Variants in SPCS3 observed in about 807,000 individuals in gnomAD.
SPCS3 encodes SPase 22 kDa subunit.
In SPCS3, 9 loss-of-function variants were observed where a neutral mutation model predicts 17.2. That is an observed-to-expected ratio of 0.52 (90% CI 0.31 to 0.91). SPCS3 has a LOEUF of 0.91. Among genes scored for constraint, SPCS3 ranks in the 40% least tolerant of loss-of-function variants. The probability of loss-of-function intolerance (pLI) is 0.04; values close to 1 mark genes in which losing one functional copy is unlikely to be tolerated. For synonymous variants in SPCS3, 87 were observed against 89.6 expected (o/e 0.97, Z 0.16); for missense variants, 139 against 217.5 (o/e 0.64, Z 2.27).
rs1731512452 is a variant in SPCS3 at position 176,320,018 on chromosome 4, C to T, written c.-59C>T. The T allele has an allele frequency of 4.2e-6, 6 of 1,436,552 alleles. No homozygotes were observed. The South Asian group carries it at 8.6e-5, about 21-fold the overall frequency. 89.0% of individuals were successfully genotyped at this position (1,436,552 alleles called of 1,614,324 possible). A position where few individuals can be genotyped will look rare whatever the true frequency, so the allele number is the denominator to read the frequency against. On this transcript the variant is annotated 5_prime_UTR_variant, in exon 1 of 5. Coordinates refer to ENST00000503362, the MANE Select transcript of SPCS3 (RefSeq NM_021928.4). ...GCGCGGATCGCAGGGAGCCGGTCCG[C>T]CGCCGGAACGGGAGCCTGGGTGTGC...
intron 3 of SPCS3, among the ~76,000 whole-genome samples, chr4:176,325,275 A>G (rs532880892): frequency 6.6e-6 from 1 of 152,072 alleles, no homozygotes; most frequent in South Asian, 2.1e-4. Flanking sequence ...GCTGGTCTCG[A>G]ACTCCTAACC....
At chr4:176,321,022 T>G (rs1442230520) in intron 1 of SPCS3, 1 of 152,242 alleles carries the variant, frequency 6.6e-6, no homozygotes. Context: ...ACTTTTGTCT[T>G]TAATCGTCGT....
At chr4:176,321,028 G>A (rs1156247947) in intron 1 of SPCS3, 1 of 151,940 alleles carries the variant, frequency 6.6e-6, no homozygotes, top group Non-Finnish European at 1.5e-5. Flanking sequence ...GTCTTTAATC[G>A]TCGTATTTTT....
intron 1 of SPCS3, 86 bp from the exon 2 acceptor site, chr4:176,322,084 A>C: frequency 2.5e-6 from 2 of 815,426 alleles, no homozygotes; most frequent in Non-Finnish European, 4.0e-6. Flanking sequence ...ACCTATGCAC[A>C]CACCTGTATT....
intron 3 of SPCS3, among the ~76,000 whole-genome samples, chr4:176,326,485 T>C (rs924894460): frequency 6.6e-6 from 1 of 152,218 alleles, no homozygotes; most frequent in Admixed American, 6.5e-5. Context: ...TAAATGGAAC[T>C]TATTTGTAAT....
chr4:176,325,254 A>T (rs925192476), intron 3 of SPCS3, among the ~76,000 whole-genome samples: 1 of 151,836 alleles, frequency 6.6e-6, no homozygotes, highest in African/African-American at 2.4e-5. Flanking sequence ...CGGTTTCACC[A>T]TGTTGGCTAG....
At chr4:176,321,675 T>A (rs1212297446) in intron 1 of SPCS3, 1 of 152,618 alleles carries the variant, frequency 6.6e-6, no homozygotes, top group South Asian at 2.1e-4. Flanking sequence ...ATAAAAGTTA[T>A]GTGAATATGA....
At chr4:176,320,445 T>G in intron 1 of SPCS3, 1 of 290,226 alleles carries the variant, frequency 3.4e-6, no homozygotes, top group Non-Finnish European at 6.2e-6. Flanking sequence ...TTCCCGGGCT[T>G]GCTCTTAAAT....
Position 176,332,230 on chromosome 4 carries a change from A to G in SPCS3, c.*3900A>G, listed in dbSNP as rs1264431020. On this transcript the variant is annotated 3_prime_UTR_variant, in exon 5 of 5. Transcript: ENST00000503362. ...TGCACATAATAGGCGCCCAATAAAT[A>G]TTGATGAAGAATGAAGGCGTTGTGT... The G allele has an allele frequency of 1.3e-5, 2 of 152,158 alleles. No individual in the cohort carries two copies. The highest frequency in any genetic ancestry group is 2.9e-5 in the Non-Finnish European group (2 of 68,042). The allele number at this position is 152,158 out of a possible 1,614,324, so 9.4% of individuals were successfully genotyped here. A position where few individuals can be genotyped will look rare whatever the true frequency, so the allele number is the denominator to read the frequency against.
At chr4:176,323,428 T>TA (rs1222229345) in intron 2 of SPCS3, among the ~76,000 whole-genome samples, 1 of 152,196 alleles carries the variant, frequency 6.6e-6, no homozygotes, top group East Asian at 1.9e-4. Flanking sequence ...GTCCTAGACT[T>TA]AGTTCTAAAG....
chr4:176,320,361 G>A (rs749144298), intron 1 of SPCS3, 142 bp downstream of exon 1: 79 of 748,848 alleles, frequency 1.1e-4, no homozygotes, highest in Non-Finnish European at 1.4e-4. Context: ...GTTCGCCCCC[G>A]AGGGCGGTCG....
At chr4:176,326,467 T>C (rs1731608917) in intron 3 of SPCS3, among the ~76,000 whole-genome samples, 1 of 152,224 alleles carries the variant, frequency 6.6e-6, no homozygotes, top group Non-Finnish European at 1.5e-5. Flanking sequence ...TTCATACTTT[T>C]AATTTTCTAA....
At chr4:176,328,159 G>A (rs372239506) in intron 4 of SPCS3, 39 bp from the exon 5 acceptor site, 7 of 1,599,280 alleles carry the variant, frequency 4.4e-6, no homozygotes, top group Non-Finnish European at 6.0e-6. Context: ...TGAACTACTA[G>A]TGTCTCTGAT....
In SPCS3 at chr4:176,325,245, G is replaced by A. The variant is rs546444981; in HGVS notation, c.294+988G>A. 1.5e-4 allele frequency among the ~76,000 whole-genome samples: 23 copies of A among 151,576 alleles called. 2 individuals are homozygous for A. The South Asian group carries it at 4.4e-3, about 29-fold the overall frequency. ...TAATTTTTGTATTTTTAGTAGAGAC[G>A]GTTTCACCATGTTGGCTAGGCTGGT... On this transcript the variant is annotated intron_variant, in intron 3 of 4. Coordinates refer to ENST00000503362, the MANE Select transcript of SPCS3 (RefSeq NM_021928.4).
At chr4:176,322,372 C>T in intron 2 of SPCS3, 129 bp downstream of exon 2, 1 of 593,294 alleles carries the variant, frequency 1.7e-6, no homozygotes. Context: ...CCGCCTTTTT[C>T]ATCAGTAAAA....
At chr4:176,326,024 G>T (rs1443311410) in intron 3 of SPCS3, among the ~76,000 whole-genome samples, 1 of 152,088 alleles carries the variant, frequency 6.6e-6, no homozygotes, top group Non-Finnish European at 1.5e-5. Context: ...TTCAGGCCGG[G>T]CACAGTGGCT....
Position 176,322,209 on chromosome 4 carries a change from T to C in SPCS3, c.183T>C (p.Ser61=), listed in dbSNP as rs1731547717. 1.2e-6 allele frequency: 2 copies of C among 1,607,900 alleles called. No homozygotes were observed. The highest frequency in any genetic ancestry group is 2.7e-5 in the African/African-American group (2 of 74,736). Residue 61 remains serine (S), a synonymous_variant, in exon 2 of 5, where the codon AGT becomes AGC. Transcript: ENST00000503362. ...ATTTCACTGGACCTAGAGAAAGAAG[T>C]GATCTGGGATTTATCACATTTGATA... The part of the protein sequence containing the change: ...VEDFTGPRER[S]DLGFITFDIT...
Position 176,328,390 on chromosome 4 carries a change from C to A in SPCS3, c.*60C>A. 1 of 1,271,244 alleles carries A rather than the reference C, an allele frequency of 7.9e-7. No homozygotes were observed. The highest frequency in any genetic ancestry group is 1.0e-6 in the Non-Finnish European group (1 of 968,082). The allele number at this position is 1,271,244 out of a possible 1,614,324, so 78.7% of individuals were successfully genotyped here. On this transcript the variant is annotated 3_prime_UTR_variant, in exon 5 of 5. Coordinates refer to ENST00000503362, the MANE Select transcript of SPCS3 (RefSeq NM_021928.4). Reference sequence around the variant, plus strand: ...TTAATGAATTGTATCTCATTAATCTCTTCCCTTACATCTTCATGTATTGTT... The same window carrying A: ...TTAATGAATTGTATCTCATTAATCTATTCCCTTACATCTTCATGTATTGTT...
At chr4:176,323,899 G>GT (rs1731569992) in intron 2 of SPCS3, among the ~76,000 whole-genome samples, 1 of 145,884 alleles carries the variant, frequency 6.9e-6, no homozygotes, top group African/African-American at 2.5e-5. Flanking sequence ...TTTTGGATTT[G>GT]TTCTTTTCTT....
Sources: allele counts gnomAD v4.1 joint callset (sites outside exome capture counted in the v4.1 genomes callset), GRCh38; gene constraint gnomAD v4.1.1; transcripts MANE v1.5; gene names NCBI Gene and HGNC (gene_info 2026-07-23, HGNC 2026-07-21).